SNX24: variants seen among roughly 807,000 people sequenced by gnomAD.
SNX24 encodes the protein sorting nexin-24.
SNX24 carries 22 observed loss-of-function variants against 28.7 expected under a neutral mutation model. The ratio of observed to expected loss-of-function variants is 0.77; its 90% CI spans 0.55 to 1.10. The LOEUF (loss-of-function observed/expected upper bound fraction) is 1.10, where lower values mean the gene tolerates loss of function less well. Ranked by LOEUF, SNX24 falls within the 50% of genes least tolerant of loss-of-function variation. The probability of loss-of-function intolerance (pLI) is 0.00; values close to 1 mark genes in which losing one functional copy is unlikely to be tolerated. For missense variants in SNX24, 221 were observed against 201.1 expected, an observed-to-expected ratio of 1.10 and a Z score of -0.60; for synonymous variants, 69 against 71.5, an observed-to-expected ratio of 0.96 and a Z score of 0.18.
chr5:123,014,698 A>G (rs971317006), intron 5 of SNX24, among the ~76,000 whole-genome samples: 2 of 152,142 alleles, frequency 1.3e-5, no homozygotes, highest in African/African-American at 2.4e-5. Context: ...TGATCAGATC[A>G]TATCACTCTC....
intron 5 of SNX24, chr5:123,028,812 A>C: frequency 6.2e-7 from 1 of 1,613,878 alleles, no homozygotes; most frequent in Non-Finnish European, 8.5e-7. Context: ...CACCTCCTTG[A>C]ATCATGAAAT....
intron 1 of SNX24, among the ~76,000 whole-genome samples, chr5:122,846,292 A>G (rs1033161098): frequency 1.3e-5 from 2 of 151,822 alleles, no homozygotes; most frequent in Non-Finnish European, 2.9e-5. Context: ...GTGAAACAGG[A>G]CCCCTGCTCT....
At chr5:123,014,787 T>C (rs1453018351) in intron 5 of SNX24, among the ~76,000 whole-genome samples, 1 of 152,228 alleles carries the variant, frequency 6.6e-6, no homozygotes, top group Non-Finnish European at 1.5e-5. Flanking sequence ...GAGTTCTTTC[T>C]ACATTCTTCC....
Position 123,007,693 on chromosome 5 carries a change from G to A in SNX24, c.454G>A (p.Val152Met). 1 of 1,529,918 alleles carries A rather than the reference G, an allele frequency of 6.5e-7. No individual in the cohort carries two copies. Among genetic ancestry groups the A allele is most frequent in the Non-Finnish European group, 8.8e-7 (1 of 1,136,556 alleles). 94.8% of individuals were successfully genotyped at this position (1,529,918 alleles called of 1,614,324 possible). The stretch of plus-strand genomic sequence containing the variant: ...TTTCTTTTTTTCAGATTTTCCAAAT[G>A]TGGTTATTGAAGGAGTCCTCCATGG... ...VLPAASDFPN[V>M]VIEGVLHGIF... Residue 152 changes from valine (V) to methionine (M), a missense_variant, in exon 7 of 7, where the codon GTG (valine) becomes ATG (methionine). Val to Met is a conservative substitution (Grantham distance 21). Coordinates refer to ENST00000261369, the MANE Select transcript of SNX24 (RefSeq NM_014035.4).
At chr5:123,028,957 A>G in intron 5 of SNX24, 1 of 1,114,802 alleles carries the variant, frequency 9.0e-7, no homozygotes, top group Non-Finnish European at 1.3e-6. Flanking sequence ...CAAACTGAGA[A>G]AATTAAACAA....
chr5:122,855,267 A>G (rs996703574), intron 1 of SNX24, among the ~76,000 whole-genome samples: 2 of 151,994 alleles, frequency 1.3e-5, no homozygotes, highest in East Asian at 3.9e-4. Context: ...AGACGGTTTC[A>G]CCATGTTGGC....
rs371567426 is a variant in SNX24, at chr5:122,864,746, A to G, written c.60+19053A>G. Reference sequence around the variant, plus strand: ...AAGTGCGGGGTCTGCAAAATATCTTAAGCACTGATCTTAGGAGCAGCTTAG... The same window carrying G: ...AAGTGCGGGGTCTGCAAAATATCTTGAGCACTGATCTTAGGAGCAGCTTAG... On this transcript the variant is annotated intron_variant, in intron 1 of 6. Coordinates refer to ENST00000261369, the MANE Select transcript of SNX24 (RefSeq NM_014035.4). 1.5e-3 allele frequency among the ~76,000 whole-genome samples: 221 copies of G among 152,314 alleles called. 1 individual carries two copies. Among genetic ancestry groups the G allele is most frequent in the African/African-American group, 5.2e-3 (218 of 41,584 alleles).
chr5:122,959,398 C>T (rs1760374549), intron 3 of SNX24, among the ~76,000 whole-genome samples: 1 of 149,266 alleles, frequency 6.7e-6, no homozygotes, highest in African/African-American at 2.4e-5. Flanking sequence ...ATAAAAAATA[C>T]ATAATATATA....
At chr5:123,019,330 C>A (rs961768153) in intron 5 of SNX24, among the ~76,000 whole-genome samples, 2 of 147,790 alleles carry the variant, frequency 1.4e-5, no homozygotes, top group Admixed American at 1.3e-4. Context: ...CTTTGAATTT[C>A]CAAGCTTTCT....
At chr5:122,955,726 A>T (rs1399576588) in intron 3 of SNX24, among the ~76,000 whole-genome samples, 1 of 152,126 alleles carries the variant, frequency 6.6e-6, no homozygotes, top group African/African-American at 2.4e-5. Flanking sequence ...AGGGAGGAGT[A>T]CCTCGTTACT....
At chr5:123,001,117 T>G (rs1762229030) in intron 4 of SNX24, among the ~76,000 whole-genome samples, 2 of 152,206 alleles carry the variant, frequency 1.3e-5, no homozygotes, top group Admixed American at 1.3e-4. Context: ...GAATAGACAT[T>G]AGCAATGGCA....
chr5:122,888,742 C>G (rs1235776200), intron 1 of SNX24, among the ~76,000 whole-genome samples: 2 of 152,200 alleles, frequency 1.3e-5, no homozygotes, highest in Non-Finnish European at 2.9e-5. Flanking sequence ...TCCCCTAACA[C>G]TATTCCCTAG....
rs1346822248 is a variant in SNX24 at position 122,912,681 on chromosome 5, G to A, written c.61-24053G>A. Among the ~76,000 whole-genome samples the A allele has an allele frequency of 5.3e-5, 8 of 149,616 alleles. No individual in the cohort carries two copies. The South Asian group carries it at 6.4e-4, about 12-fold the overall frequency. Reference sequence around the variant, plus strand: ...TTATTGAGAGGTTTTAGCATGAAGCGTTGTTGAATTTTGTCAAAGGCCTTT... The same window carrying A: ...TTATTGAGAGGTTTTAGCATGAAGCATTGTTGAATTTTGTCAAAGGCCTTT... On this transcript the variant is annotated intron_variant, in intron 1 of 6. Coordinates refer to ENST00000261369, the MANE Select transcript of SNX24 (RefSeq NM_014035.4).
chr5:122,929,660 A>T (rs1002985265), intron 1 of SNX24, among the ~76,000 whole-genome samples: 15 of 152,042 alleles, frequency 9.9e-5, no homozygotes, highest in African/African-American at 2.9e-4. Context: ...TTCTTGACAG[A>T]GAAAGACAAA....
intron 6 of SNX24, 108 bp downstream of exon 6, chr5:123,002,112 A>C (rs982558719): frequency 1.0e-5 from 9 of 863,108 alleles, no homozygotes; most frequent in Non-Finnish European, 1.6e-5. Context: ...CCCGGGCTTA[A>C]TAATCTGCCA....
rs531878824 is a variant in SNX24, at chr5:122,848,392, G to A, written c.60+2699G>A. On this transcript the variant is annotated intron_variant, in intron 1 of 6. Coordinates refer to ENST00000261369, the MANE Select transcript of SNX24 (RefSeq NM_014035.4). ...ATTATAGGCGCGGGCCACTGAGCCC[G>A]ACCTGTGTTTGTGTTTAAAATTTAA... 4.0e-5 allele frequency among the ~76,000 whole-genome samples: 6 copies of A among 151,866 alleles called. No homozygotes were observed. In the South Asian group the frequency reaches 1.3e-3, roughly 32 times the overall value.
chr5:122,927,548 G>C (rs1037893446), intron 1 of SNX24, among the ~76,000 whole-genome samples: 9 of 151,952 alleles, frequency 5.9e-5, no homozygotes, highest in Admixed American at 5.9e-4. Flanking sequence ...AACATTGACA[G>C]ACTGTGTTTT....
At chr5:122,866,814 C>G (rs761983358) in intron 1 of SNX24, among the ~76,000 whole-genome samples, 35 of 152,210 alleles carry the variant, frequency 2.3e-4, no homozygotes, top group Admixed American at 1.4e-3. Context: ...GATTTAAAGA[C>G]ATGAGCATAA....
intron 3 of SNX24, chr5:122,948,718 G>A (rs1166563960): frequency 6.6e-6 from 1 of 152,124 alleles, no homozygotes; most frequent in Non-Finnish European, 1.5e-5. Context: ...GACAAACTGA[G>A]GTCCAGTGGA....
Sources: allele counts gnomAD v4.1 joint callset (sites outside exome capture counted in the v4.1 genomes callset), GRCh38; gene constraint gnomAD v4.1.1; transcripts MANE v1.5; gene names NCBI Gene and HGNC (gene_info 2026-07-23, HGNC 2026-07-21).